TRIM44: variants seen among roughly 807,000 people sequenced by gnomAD.
TRIM44 encodes tripartite motif-containing protein 44.
A neutral mutation model predicts 37.4 loss-of-function variants in TRIM44; 13 were observed. The observed-to-expected ratio is 0.35, with a 90% CI of 0.23 to 0.55. The LOEUF (loss-of-function observed/expected upper bound fraction) is 0.55, where lower values mean the gene tolerates loss of function less well. Among genes scored for constraint, TRIM44 ranks in the 20% least tolerant of loss-of-function variants. TRIM44 has a pLI of 0.89. For missense variants in TRIM44, 426 were observed against 437.2 expected, an observed-to-expected ratio of 0.97 and a Z score of 0.23; for synonymous variants, 175 against 157.2, an observed-to-expected ratio of 1.11 and a Z score of -0.85.
At position 35,662,829 on chromosome 11, in the gene TRIM44, C is replaced by T; in HGVS notation, c.-283C>T. On this transcript the variant is annotated 5_prime_UTR_variant, in exon 1 of 5. Coordinates refer to ENST00000299413, the MANE Select transcript of TRIM44 (RefSeq NM_017583.6). ...GGGAGGCTGAGCGGGCGGCGCGACG[C>T]GGGGGCCGACGGGGGCGCCGGGTGG... 2 of 302,592 alleles carry T rather than the reference C, an allele frequency of 6.6e-6. No homozygotes were observed. Among genetic ancestry groups the T allele is most frequent in the Middle Eastern group, 9.5e-4 (1 of 1,052 alleles). The allele number at this position is 302,592 out of a possible 1,614,324, so 18.7% of individuals were successfully genotyped here.
chr11:35,707,825 A>C (rs1404044008), intron 2 of TRIM44, among the ~76,000 whole-genome samples: 5 of 137,508 alleles, frequency 3.6e-5, no homozygotes, highest in Non-Finnish European at 1.6e-5. Flanking sequence ...AAACCCAGGC[A>C]ATACCATTCA....
intron 2 of TRIM44, among the ~76,000 whole-genome samples, chr11:35,702,075 G>A (rs1051519521): frequency 1.6e-4 from 25 of 152,190 alleles, no homozygotes; most frequent in African/African-American, 6.0e-4. Context: ...GGGTTATATG[G>A]GGTAACCCAG....
At chr11:35,690,642 A>T (rs992467848) in intron 2 of TRIM44, among the ~76,000 whole-genome samples, 4 of 152,144 alleles carry the variant, frequency 2.6e-5, no homozygotes, top group Non-Finnish European at 5.9e-5. Context: ...AGAATTATTG[A>T]CCCATTTCTG....
Position 35,685,245 on chromosome 11 carries a change from T to G in TRIM44, c.670-14T>G. 1 of 1,613,116 alleles carries G rather than the reference T, an allele frequency of 6.2e-7. No individual in the cohort carries two copies. Among genetic ancestry groups the G allele is most frequent in the Non-Finnish European group, 8.5e-7 (1 of 1,179,288 alleles). ...AAATGCTGTCTAGTGACCCCTCACT[T>G]TTCTTTCTTCTAGAGCAAAGACTCA... On this transcript the variant is annotated splice_polypyrimidine_tract_variant and intron_variant, in intron 1 of 4. Transcript: ENST00000299413.
Position 35,814,478 on chromosome 11 carries a change from C to T in TRIM44, c.*8093C>T, listed in dbSNP as rs1853558443. ...CCTGGAACGAAGATAGGATTCATTT[C>T]TCATGGATTATTGAGCACTCTGGGG... On this transcript the variant is annotated 3_prime_UTR_variant, in exon 5 of 5. Transcript: ENST00000299413. 6.6e-6 allele frequency: 1 copy of T among 152,176 alleles called. No individual in the cohort carries two copies. The allele number at this position is 152,176 out of a possible 1,614,324, so 9.4% of individuals were successfully genotyped here.
At chr11:35,699,390 C>T (rs1390090985) in intron 2 of TRIM44, among the ~76,000 whole-genome samples, 1 of 152,142 alleles carries the variant, frequency 6.6e-6, no homozygotes, top group Non-Finnish European at 1.5e-5. Context: ...AGACCTTTGA[C>T]AAAATTCAAC....
chr11:35,791,533 A>C (rs1590603805), intron 4 of TRIM44, among the ~76,000 whole-genome samples: 2 of 152,108 alleles, frequency 1.3e-5, no homozygotes, highest in East Asian at 3.9e-4. Flanking sequence ...AAAGATAAGC[A>C]TTAGGAGCTG....
intron 4 of TRIM44, among the ~76,000 whole-genome samples, chr11:35,786,341 T>G (rs1853130566): frequency 6.6e-6 from 1 of 152,170 alleles, no homozygotes; most frequent in African/African-American, 2.4e-5. Context: ...TCCTTTCCTT[T>G]TAGATGGTTA....
At chr11:35,736,197 C>T (rs1852324714) in intron 4 of TRIM44, among the ~76,000 whole-genome samples, 1 of 152,140 alleles carries the variant, frequency 6.6e-6, no homozygotes, top group South Asian at 2.1e-4. Context: ...TGGGAAGTAT[C>T]AGAATGGTCA....
chr11:35,795,181 T>C (rs183689298), intron 4 of TRIM44, among the ~76,000 whole-genome samples: 3 of 152,142 alleles, frequency 2.0e-5, no homozygotes, highest in Admixed American at 2.0e-4. Context: ...TGAATCAGGC[T>C]GGAAAGGGAG....
chr11:35,677,510 G>T (rs1446192393), intron 1 of TRIM44, among the ~76,000 whole-genome samples: 1 of 151,946 alleles, frequency 6.6e-6, no homozygotes, highest in African/African-American at 2.4e-5. Flanking sequence ...AATAACAACA[G>T]AAATTATAAC....
Position 35,726,624 on chromosome 11 carries a change from TAA to T in TRIM44, c.987+463_987+464del. 1.3e-5 allele frequency among the ~76,000 whole-genome samples: 2 copies of T among 150,806 alleles called. 1 individual carries two copies. The highest frequency in any genetic ancestry group is 4.2e-4 in the South Asian group (2 of 4,792). On this transcript the variant is annotated intron_variant, in intron 3 of 4. Transcript: ENST00000299413. ...TGGTTGTTATATGGAGCCAGCTGCA[TAA>T]ATTGGAGGCATAACTGCTGGATTAA...
chr11:35,681,041 T>C (rs1315045036), intron 1 of TRIM44, among the ~76,000 whole-genome samples: 1 of 152,212 alleles, frequency 6.6e-6, no homozygotes, highest in Non-Finnish European at 1.5e-5. Context: ...ATAAATCTTT[T>C]TCATTTAGAT....
Position 35,663,285 on chromosome 11 carries a change from C to A in TRIM44, c.174C>A (p.Ala58=), listed in dbSNP as rs34392570. 5 of 1,613,914 alleles carry A rather than the reference C, an allele frequency of 3.1e-6. No homozygotes were observed. In the Admixed American group the frequency reaches 5.0e-5, roughly 16 times the overall value. ...AGAAGTTCCTCAGTCACCATCTGGC[C>A]GAATACGTCCACGGCTCCCAGGCCT... The part of the protein sequence containing the change: ...HRQKFLSHHL[A]EYVHGSQAWT... The change falls in exon 1 of 5, where the codon GCC becomes GCA. Residue 58 remains alanine (A), a synonymous_variant. Coordinates refer to ENST00000299413, the MANE Select transcript of TRIM44 (RefSeq NM_017583.6).
intron 1 of TRIM44, among the ~76,000 whole-genome samples, chr11:35,680,401 T>C (rs998743898): frequency 1.3e-5 from 2 of 152,202 alleles, no homozygotes; most frequent in African/African-American, 4.8e-5. Context: ...TAGAAAGTAA[T>C]AATTTTTTAA....
chr11:35,769,650 G>A (rs1383892611), intron 4 of TRIM44, among the ~76,000 whole-genome samples: 4 of 152,168 alleles, frequency 2.6e-5, no homozygotes, highest in Non-Finnish European at 4.4e-5. Flanking sequence ...ATGGGATACA[G>A]TGAGGTTTGA....
At chr11:35,775,847 TG>T (rs1158005602) in intron 4 of TRIM44, among the ~76,000 whole-genome samples, 6 of 152,212 alleles carry the variant, frequency 3.9e-5, no homozygotes, top group Non-Finnish European at 7.3e-5. Flanking sequence ...ATAAGCTTTT[TG>T]ATGTGCTGCT....
chr11:35,677,569 A>G (rs1564944136), intron 1 of TRIM44, among the ~76,000 whole-genome samples: 1 of 152,130 alleles, frequency 6.6e-6, no homozygotes, highest in Admixed American at 6.6e-5. Context: ...AACTTTCTGC[A>G]TATTCTTTCA....
intron 2 of TRIM44, among the ~76,000 whole-genome samples, chr11:35,697,706 TG>T (rs1851723730): frequency 6.6e-6 from 1 of 151,896 alleles, no homozygotes; most frequent in Admixed American, 6.6e-5. Context: ...ATGCGGTGTT[TG>T]GTTTTTTGTC....
Sources: allele counts gnomAD v4.1 joint callset (sites outside exome capture counted in the v4.1 genomes callset), GRCh38; gene constraint gnomAD v4.1.1; transcripts MANE v1.5; gene names NCBI Gene and HGNC (gene_info 2026-07-23, HGNC 2026-07-21).